KNDC1: variants seen among roughly 807,000 people sequenced by gnomAD.
KNDC1 encodes kinase non-catalytic C-lobe domain containing 1.
KNDC1 carries 106 observed loss-of-function variants against 172.8 expected under a neutral mutation model. The observed-to-expected ratio is 0.61, with a 90% CI of 0.52 to 0.72. The LOEUF (loss-of-function observed/expected upper bound fraction) is 0.72, where lower values mean the gene tolerates loss of function less well. Ranked by LOEUF, KNDC1 falls within the 30% of genes least tolerant of loss-of-function variation. The probability of loss-of-function intolerance (pLI) is 0.00; values close to 1 mark genes in which losing one functional copy is unlikely to be tolerated. For missense variants in KNDC1, 2,325 were observed against 2,394.5 expected (o/e 0.97, Z 0.61); for synonymous variants, 1,083 against 1,062.2 (o/e 1.02, Z -0.38).
chr10:133,198,947 C>T lies in KNDC1; in HGVS notation c.2439C>T (p.Pro813=), dbSNP rs201221120. The T allele has an allele frequency of 8.7e-4, 1,351 of 1,550,658 alleles. 1 individual carries two copies. The highest frequency in any genetic ancestry group is 1.1e-3 in the Non-Finnish European group (1,305 of 1,153,086). ...GAGTTGCTTCCGGGGGCCTCAGGCC[C>T]GACGCCCTGGGGCCCACCACGGCCC... ...PPGVASGGLR[P]DALGPTTAHH... Residue 813 remains proline, a synonymous_variant, in exon 14 of 30, where the codon CCC becomes CCT. Transcript: ENST00000304613.
intron 3 of KNDC1, among the ~76,000 whole-genome samples, chr10:133,177,623 GTGTGT>G: frequency 6.6e-6 from 1 of 152,140 alleles, no homozygotes; most frequent in African/African-American, 2.4e-5. Context: ...CATGCACATA[GTGTGT>G]TGTGAGCATG....
At chr10:133,181,390 G>C (rs1055490984) in intron 3 of KNDC1, among the ~76,000 whole-genome samples, 9 of 152,370 alleles carry the variant, frequency 5.9e-5, no homozygotes, top group East Asian at 1.9e-4. Flanking sequence ...CAGCAGAGCA[G>C]CTATCGGGGC....
chr10:133,203,113 CAG>C (rs1854424215), intron 17 of KNDC1, among the ~76,000 whole-genome samples: 1 of 88,108 alleles, frequency 1.1e-5, no homozygotes, highest in African/African-American at 3.4e-5. Context: ...GCACGGCGTC[CAG>C]CGGGGAGCAC....
intron 17 of KNDC1, among the ~76,000 whole-genome samples, chr10:133,204,595 A>G (rs111911188): frequency 1.3e-3 from 201 of 152,374 alleles, no homozygotes; most frequent in Non-Finnish European, 1.5e-3. Context: ...AAGACAGCAC[A>G]GGGACCCCGT....
rs1018186951 is a variant in KNDC1, at chr10:133,168,662, A to G, written c.360+350A>G. Among the ~76,000 whole-genome samples the G allele has an allele frequency of 3.3e-5, 5 of 152,134 alleles. No homozygotes were observed. In the East Asian group the frequency reaches 7.7e-4, roughly 23 times the overall value. ...GGAATGCGAATTTACTACACTTAAC[A>G]TGTTAAAAGTGACCAAAATGACCAG... On this transcript the variant is annotated intron_variant, in intron 3 of 29. Coordinates refer to ENST00000304613, the MANE Select transcript of KNDC1 (RefSeq NM_152643.8).
chr10:133,211,332 T>A, intron 21 of KNDC1, 90 bp from the exon 22 acceptor site: 68 of 1,086,938 alleles, frequency 6.3e-5, no homozygotes, highest in Middle Eastern at 3.5e-4. Flanking sequence ...GGTCCCACCC[T>A]GCCTCTCTGG....
intron 1 of KNDC1, among the ~76,000 whole-genome samples, chr10:133,161,431 A>G (rs1852965565): frequency 6.6e-6 from 1 of 152,204 alleles, no homozygotes; most frequent in African/African-American, 2.4e-5. Context: ...AAGCCGGCCA[A>G]GTAAGCCTGG....
At chr10:133,184,257 C>T (rs1341940521) in intron 5 of KNDC1, among the ~76,000 whole-genome samples, 6 of 145,398 alleles carry the variant, frequency 4.1e-5, no homozygotes, top group South Asian at 4.5e-4. Flanking sequence ...TGCACACACA[C>T]GTTACACACA....
intron 3 of KNDC1, among the ~76,000 whole-genome samples, chr10:133,181,726 CA>C (rs1350925730): frequency 6.6e-6 from 1 of 152,054 alleles, no homozygotes; most frequent in African/African-American, 2.4e-5. Context: ...AGGCAGAGTG[CA>C]GCTGGGGAGA....
intron 1 of KNDC1, chr10:133,164,330 G>A (rs1853077015): frequency 6.6e-6 from 1 of 152,356 alleles, no homozygotes; most frequent in Admixed American, 6.5e-5. Flanking sequence ...CAAGAGGCTG[G>A]GTCTGTGCCG....
chr10:133,222,178 G>T (rs959060963), intron 29 of KNDC1, among the ~76,000 whole-genome samples: 5 of 149,640 alleles, frequency 3.3e-5, no homozygotes, highest in African/African-American at 1.2e-4. Flanking sequence ...AGCTACTCGG[G>T]AGGCTGAGGC....
At chr10:133,211,623 T>C in intron 22 of KNDC1, 54 bp downstream of exon 22, 1 of 1,597,488 alleles carries the variant, frequency 6.3e-7, no homozygotes, top group South Asian at 1.1e-5. Flanking sequence ...CAGTGGGAGG[T>C]GCCGCCCTCC....
chr10:133,218,465 C>T (rs1417929985), intron 26 of KNDC1, among the ~76,000 whole-genome samples: 1 of 152,226 alleles, frequency 6.6e-6, no homozygotes, highest in Admixed American at 6.5e-5. Flanking sequence ...TCCCCATCTG[C>T]CTGTGGACAC....
At position 133,198,470 on chromosome 10, in the gene KNDC1, T is replaced by C. The variant is rs751731247; in HGVS notation, c.2040T>C (p.Ile680=). The C allele has an allele frequency of 1.4e-5, 22 of 1,607,192 alleles. No homozygotes were observed. Among genetic ancestry groups the C allele is most frequent in the Admixed American group, 1.2e-4 (7 of 59,420 alleles). Reference sequence around the variant, plus strand: ...CCGAGGCCACGCACTTCAAGCCCATTGTCCTCGCGCAGAACGCAAGTGTGG... The same window carrying C: ...CCGAGGCCACGCACTTCAAGCCCATCGTCCTCGCGCAGAACGCAAGTGTGG... ...FTSEATHFKP[I]VLAQNASVAR... Residue 680 remains isoleucine, a synonymous_variant, in exon 13 of 30, where the codon ATT becomes ATC. Transcript: ENST00000304613.
chr10:133,183,774 C>A, intron 4 of KNDC1, 98 bp from the exon 5 acceptor site: 1 of 1,009,758 alleles, frequency 9.9e-7, no homozygotes, highest in Non-Finnish European at 1.5e-6. Context: ...GGGGACTGTC[C>A]CCAGGTCACC....
intron 11 of KNDC1, among the ~76,000 whole-genome samples, chr10:133,197,470 G>T (rs983541936): frequency 6.6e-6 from 1 of 152,212 alleles, no homozygotes; most frequent in African/African-American, 2.4e-5. Context: ...CGGAAACCTG[G>T]TTGGCTTGGG....
chr10:133,187,915 C>A (rs1209702494), intron 6 of KNDC1, among the ~76,000 whole-genome samples: 1 of 150,240 alleles, frequency 6.7e-6, no homozygotes, highest in Non-Finnish European at 1.5e-5. Flanking sequence ...GTCCCGCCCT[C>A]CACCTCCATG....
At chr10:133,183,214 G>T in intron 3 of KNDC1, 130 bp from the exon 4 acceptor site, 2 of 1,164,710 alleles carry the variant, frequency 1.7e-6, no homozygotes, top group Admixed American at 2.8e-5. Flanking sequence ...GCGTGGGCAC[G>T]GGTGCTGCTT....
In KNDC1 at chr10:133,218,676, C is replaced by T. The variant is rs146609442; in HGVS notation, c.4678-155C>T. Among the ~76,000 whole-genome samples, 367 of 152,384 alleles carry T rather than the reference C, an allele frequency of 2.4e-3. 1 individual carries two copies. Among genetic ancestry groups the T allele is most frequent in the Non-Finnish European group, 3.7e-3 (254 of 68,042 alleles). Reference sequence around the variant, plus strand: ...GCCAGCCCAGCCCCTCCACGGCCACCGCTCACCTGCGTCCACACAGCCGCT... The same window carrying T: ...GCCAGCCCAGCCCCTCCACGGCCACTGCTCACCTGCGTCCACACAGCCGCT... On this transcript the variant is annotated intron_variant, in intron 26 of 29. Transcript: ENST00000304613.
Sources: allele counts gnomAD v4.1 joint callset (sites outside exome capture counted in the v4.1 genomes callset), GRCh38; gene constraint gnomAD v4.1.1; transcripts MANE v1.5; gene names NCBI Gene and HGNC (gene_info 2026-07-23, HGNC 2026-07-21).